GAS2: variants seen among roughly 807,000 people sequenced by gnomAD.
The protein encoded by GAS2 is growth arrest specific 2.
In GAS2, 20 loss-of-function variants were observed where a neutral mutation model predicts 37.5. The observed-to-expected ratio is 0.53, with a 90% CI of 0.37 to 0.77. The LOEUF is 0.77. Among genes scored for constraint, GAS2 ranks in the 30% least tolerant of loss-of-function variants. The pLI is 0.00. For synonymous variants in GAS2, 144 were observed against 132.2 expected (o/e 1.09, Z -0.61); for missense variants, 336 against 373.4 (o/e 0.90, Z 0.82).
At position 22,726,422 on chromosome 11, in the gene GAS2, C is replaced by T. The variant is rs1280902910; in HGVS notation, c.398C>T (p.Ser133Leu). 8 of 1,611,014 alleles carry T rather than the reference C, an allele frequency of 5.0e-6. No individual in the cohort carries two copies. The highest frequency in any genetic ancestry group is 5.9e-6 in the Non-Finnish European group (7 of 1,178,658). The stretch of plus-strand genomic sequence containing the variant: ...GTGGATGAAACGTGTCTATTTGAAT[C>T]GGAAGGTTTGGGTATGTATTAACTT... ...LGVDETCLFE[S>L]EGLVLHKQPR... is the part of the protein sequence containing the mutation. The change falls in exon 4 of 8, where the codon TCG becomes TTG. Residue 133 changes from serine to leucine, a missense_variant. Ser to Leu is a moderately radical substitution (Grantham distance 145). Coordinates refer to ENST00000454584, the MANE Select transcript of GAS2 (RefSeq NM_001143830.3).
Position 22,696,284 on chromosome 11 carries a change from A to G in GAS2, c.267+10495A>G, listed in dbSNP as rs187483035. ...AAAGGACATGAACTCATCATTTTTT[A>G]TGGCTGCATAGTATTCCATGGTGTA... is the stretch of plus-strand genomic sequence containing the variant. On this transcript the variant is annotated intron_variant, in intron 3 of 7. Transcript: ENST00000454584. Among the ~76,000 whole-genome samples the G allele has an allele frequency of 8.5e-4, 129 of 151,854 alleles. 1 individual carries two copies. Among genetic ancestry groups the G allele is most frequent in the Middle Eastern group, 6.8e-3 (2 of 294 alleles).
chr11:22,637,068 AATATT>A (rs1461189175), intron 1 of GAS2, among the ~76,000 whole-genome samples: 1 of 132,820 alleles, frequency 7.5e-6, no homozygotes, highest in Non-Finnish European at 1.5e-5. Flanking sequence ...TTATTATATT[AATATT>A]ATATTAATAT....
chr11:22,712,646 A>G (rs945044166), intron 3 of GAS2, among the ~76,000 whole-genome samples: 1 of 152,220 alleles, frequency 6.6e-6, no homozygotes, highest in African/African-American at 2.4e-5. Flanking sequence ...ACAACATTCT[A>G]TGACACCCAC....
chr11:22,754,774 C>T (rs548163036), intron 6 of GAS2, among the ~76,000 whole-genome samples: 3 of 152,174 alleles, frequency 2.0e-5, no homozygotes, highest in East Asian at 3.9e-4. Flanking sequence ...AGTCAAAAAT[C>T]GAATTATTTG....
rs1158233628 is a variant in GAS2, at chr11:22,694,802, G to A, written c.267+9013G>A. ...CTAAAATTACATCCTGCTCTCCTCA[G>A]ACTAATACCCTCAAAATCTATTGCA... On this transcript the variant is annotated intron_variant, in intron 3 of 7. Transcript: ENST00000454584. 2.0e-5 allele frequency among the ~76,000 whole-genome samples: 3 copies of A among 152,190 alleles called. No homozygotes were observed. In the East Asian group the frequency reaches 5.8e-4, roughly 29 times the overall value.
intron 7 of GAS2, among the ~76,000 whole-genome samples, chr11:22,776,259 G>A (rs1855248928): frequency 6.6e-6 from 1 of 152,108 alleles, no homozygotes; most frequent in Non-Finnish European, 1.5e-5. Context: ...TAGGCTTTGT[G>A]GGGTGTATGG....
intron 4 of GAS2, chr11:22,731,346 G>T (rs536106405): frequency 6.7e-6 from 3 of 450,394 alleles, no homozygotes; most frequent in South Asian, 4.7e-5. Flanking sequence ...GGAGGCCAGT[G>T]ACTATGCTTC....
intron 3 of GAS2, among the ~76,000 whole-genome samples, chr11:22,724,195 A>G (rs941485752): frequency 3.3e-5 from 5 of 151,966 alleles, no homozygotes; most frequent in African/African-American, 1.2e-4. Flanking sequence ...TCATAAAATG[A>G]TCCATCATAG....
Position 22,812,195 on chromosome 11 carries a change from G to A in GAS2, c.*179G>A, listed in dbSNP as rs910669078. The stretch of plus-strand genomic sequence containing the variant: ...TATTTTTAATGCTTCTGTAGAATAT[G>A]ACCTATTAAAAGAAAATCTAAACTC... On this transcript the variant is annotated 3_prime_UTR_variant, in exon 8 of 8. Transcript: ENST00000454584. The A allele has an allele frequency of 1.1e-5, 6 of 549,532 alleles. No individual in the cohort carries two copies. Among genetic ancestry groups the A allele is most frequent in the Non-Finnish European group, 1.6e-5 (5 of 313,942 alleles). 34.0% of individuals were successfully genotyped at this position (549,532 alleles called of 1,614,324 possible).
intron 1 of GAS2, among the ~76,000 whole-genome samples, chr11:22,636,035 A>G (rs1427765949): frequency 6.6e-6 from 1 of 151,728 alleles, no homozygotes; most frequent in Non-Finnish European, 1.5e-5. Context: ...CACTCTGGGG[A>G]CTCAGTTTTC....
At chr11:22,753,835 A>C (rs115425360) in intron 6 of GAS2, among the ~76,000 whole-genome samples, 2,100 of 152,256 alleles carry the variant, frequency 0.014, 57 homozygotes, top group African/African-American at 0.048. Flanking sequence ...AGAAAGAGAT[A>C]CACATAGAAA....
chr11:22,666,110 T>A (rs980454048), upstream of GAS2, among the ~76,000 whole-genome samples: 1 of 152,242 alleles, frequency 6.6e-6, no homozygotes, highest in African/African-American at 2.4e-5. Context: ...CATCTCAGAA[T>A]ACACGTACTA....
chr11:22,679,399 G>T (rs1016204707), intron 2 of GAS2, among the ~76,000 whole-genome samples: 1 of 151,918 alleles, frequency 6.6e-6, no homozygotes. Context: ...TGCCCTTAGG[G>T]TATATTAGAA....
In GAS2 at chr11:22,638,861, T is replaced by C. The variant is rs538417432; in HGVS notation, c.-21+13048T>C. Among the ~76,000 whole-genome samples the C allele has an allele frequency of 8.6e-5, 13 of 151,824 alleles. No homozygotes were observed. In the South Asian group the frequency reaches 2.7e-3, roughly 32 times the overall value. Reference sequence around the variant, plus strand: ...CTTCAGACAAGGCAGTCATAGAGGGTTTTTTCCTCATCCAGAAATCTACTT... The same window carrying C: ...CTTCAGACAAGGCAGTCATAGAGGGCTTTTTCCTCATCCAGAAATCTACTT... On this transcript the variant is annotated intron_variant, in intron 1 of 5. Coordinates refer to the GAS2 transcript ENST00000528582.
chr11:22,743,041 C>G (rs967251050), intron 5 of GAS2, among the ~76,000 whole-genome samples: 2 of 152,016 alleles, frequency 1.3e-5, no homozygotes, highest in East Asian at 3.9e-4. Flanking sequence ...TTTATAGCTT[C>G]CTGGAACTAA....
At chr11:22,682,216 G>A (rs1247927850) in intron 2 of GAS2, among the ~76,000 whole-genome samples, 1 of 151,936 alleles carries the variant, frequency 6.6e-6, no homozygotes, top group African/African-American at 2.4e-5. Context: ...TGAAAAACAG[G>A]ATAACTAAAA....
intron 7 of GAS2, among the ~76,000 whole-genome samples, chr11:22,768,681 C>G (rs1418377618): frequency 6.6e-6 from 1 of 152,064 alleles, no homozygotes; most frequent in Non-Finnish European, 1.5e-5. Context: ...TTATTATTTC[C>G]TTTTCTCAGA....
At chr11:22,682,101 A>C (rs978546679) in intron 2 of GAS2, among the ~76,000 whole-genome samples, 18 of 152,020 alleles carry the variant, frequency 1.2e-4, no homozygotes, top group African/African-American at 4.1e-4. Flanking sequence ...GCCAAAAAAA[A>C]CTCACCTTTC....
chr11:22,721,436 T>C (rs1851942610), intron 3 of GAS2, among the ~76,000 whole-genome samples: 1 of 152,036 alleles, frequency 6.6e-6, no homozygotes, highest in Non-Finnish European at 1.5e-5. Flanking sequence ...TGTTTGTATG[T>C]CTTAGTAACT....
Sources: allele counts gnomAD v4.1 joint callset (sites outside exome capture counted in the v4.1 genomes callset), GRCh38; gene constraint gnomAD v4.1.1; transcripts MANE v1.5; gene names NCBI Gene and HGNC (gene_info 2026-07-23, HGNC 2026-07-21).